ANK3: variants seen among roughly 807,000 people sequenced by gnomAD.
ANK3 encodes the protein ankyrin 3.
In ANK3, 57 loss-of-function variants were observed where a neutral mutation model predicts 370.9. That is an observed-to-expected ratio of 0.15 (90% CI 0.12 to 0.19). ANK3 has a LOEUF of 0.19. Among genes scored for constraint, ANK3 ranks in the 10% least tolerant of loss-of-function variants. ANK3 has a pLI of 1.00. For missense variants in ANK3, 4,439 were observed against 5,302.1 expected, an observed-to-expected ratio of 0.84 and a Z score of 5.06; for synonymous variants, 1,929 against 1,946.3, an observed-to-expected ratio of 0.99 and a Z score of 0.23.
rs148221569 is a variant in ANK3, at chr10:60,110,316, C to T, written c.2949-1262G>A. On this transcript the variant is annotated intron_variant, in intron 26 of 43. Transcript: ENST00000280772. ...CCCACAGGCAGAGGCAATGGGCTGG[C>T]GATCATTTTTCAGCCTATCAGATTC... is the stretch of plus-strand genomic sequence containing the variant. Among the ~76,000 whole-genome samples the T allele has an allele frequency of 1.2e-4, 19 of 152,118 alleles. No individual in the cohort carries two copies. The East Asian group carries it at 3.1e-3, about 25-fold the overall frequency.
intron 1 of ANK3, among the ~76,000 whole-genome samples, chr10:60,653,373 A>G (rs1298412226): frequency 6.6e-6 from 1 of 151,944 alleles, no homozygotes; most frequent in Non-Finnish European, 1.5e-5. Context: ...TTTCCCATAC[A>G]GATTTCCCGT....
chr10:60,676,715 G>A (rs888632988), intron 1 of ANK3, among the ~76,000 whole-genome samples: 3 of 152,132 alleles, frequency 2.0e-5, no homozygotes, highest in Non-Finnish European at 2.9e-5. Flanking sequence ...ATGAAAGGAC[G>A]GAAGCAAAGT....
chr10:60,232,601 G>A (rs931627040), intron 8 of ANK3, among the ~76,000 whole-genome samples: 3 of 151,928 alleles, frequency 2.0e-5, no homozygotes, highest in Admixed American at 6.6e-5. Context: ...TTTAGGGGTC[G>A]GCCTTCCTTT....
At chr10:60,174,380 A>G (rs572277880) in intron 18 of ANK3, among the ~76,000 whole-genome samples, 1 of 152,310 alleles carries the variant, frequency 6.6e-6, no homozygotes, top group South Asian at 2.1e-4. Flanking sequence ...TACACGATGG[A>G]AGATATTCCT....
intron 2 of ANK3, among the ~76,000 whole-genome samples, chr10:60,402,269 T>A (rs1194338561): frequency 6.6e-6 from 1 of 152,156 alleles, no homozygotes; most frequent in Non-Finnish European, 1.5e-5. Flanking sequence ...CCAAAATAAA[T>A]GATTTATAAA....
In ANK3 at chr10:60,191,932, C is replaced by T. The variant is rs187122561; in HGVS notation, c.1887+4213G>A. ...TTCTTTTTTATTATTTTTTTGAGAC[C>T]GAGTCTTGCTCTGTCACCCAGGCTG... On this transcript the variant is annotated intron_variant, in intron 16 of 43. Transcript: ENST00000280772. 4.1e-3 allele frequency among the ~76,000 whole-genome samples: 617 copies of T among 150,318 alleles called. 3 individuals carry two copies. Among genetic ancestry groups the T allele is most frequent in the African/African-American group, 0.014 (565 of 41,158 alleles).
At chr10:60,595,533 A>C (rs1051102553) in intron 2 of ANK3, among the ~76,000 whole-genome samples, 8 of 152,068 alleles carry the variant, frequency 5.3e-5, no homozygotes, top group Non-Finnish European at 1.2e-4. Context: ...CTCGAACACC[A>C]ACCTTAGGTT....
intron 2 of ANK3, among the ~76,000 whole-genome samples, chr10:60,493,934 C>T (rs993977425): frequency 1.3e-5 from 2 of 152,112 alleles, no homozygotes. Context: ...TCCCTTCCAC[C>T]TTACTACAAA....
At position 60,603,297 on chromosome 10, in the gene ANK3, T is replaced by C. The variant is rs188632808; in HGVS notation, c.96+11889A>G. On this transcript the variant is annotated intron_variant, in intron 2 of 43. Transcript: ENST00000373827. ...GCCCTAACTAGAACCTCACTTGCTC[T>C]AGGAGGGCACAAATGGTAAAGACAG... 3.9e-3 allele frequency among the ~76,000 whole-genome samples: 592 copies of C among 152,240 alleles called. 1 individual carries two copies. Among genetic ancestry groups the C allele is most frequent in the African/African-American group, 0.01 (430 of 41,546 alleles).
intron 8 of ANK3, among the ~76,000 whole-genome samples, chr10:60,222,271 T>C (rs1268310569): frequency 6.6e-6 from 1 of 152,184 alleles, no homozygotes; most frequent in Non-Finnish European, 1.5e-5. Flanking sequence ...TGCTGGGACA[T>C]TGACAGGTCA....
At chr10:60,629,319 A>G (rs1280995422) in intron 1 of ANK3, among the ~76,000 whole-genome samples, 1 of 152,208 alleles carries the variant, frequency 6.6e-6, no homozygotes, top group African/African-American at 2.4e-5. Flanking sequence ...CTAGCTTTTT[A>G]GAGCAGTTTT....
At chr10:60,492,167 C>T (rs1250030836) in intron 2 of ANK3, among the ~76,000 whole-genome samples, 1 of 152,190 alleles carries the variant, frequency 6.6e-6, no homozygotes, top group Non-Finnish European at 1.5e-5. Context: ...GCTATACCAT[C>T]TAGCTTTGTG....
At chr10:60,263,738 T>C (rs2097842682) in intron 6 of ANK3, 97 bp downstream of exon 6, 1 of 1,365,224 alleles carries the variant, frequency 7.3e-7, no homozygotes. Flanking sequence ...GTTAAAGGCA[T>C]GGCATAAGCT....
chr10:60,625,027 A>T (rs1174219153), intron 1 of ANK3, among the ~76,000 whole-genome samples: 2 of 152,068 alleles, frequency 1.3e-5, no homozygotes, highest in Admixed American at 1.3e-4. Flanking sequence ...ACCCTTTGGC[A>T]TCTTGTCTGG....
intron 2 of ANK3, among the ~76,000 whole-genome samples, chr10:60,450,192 G>A (rs1208169959): frequency 1.3e-5 from 2 of 152,138 alleles, no homozygotes; most frequent in Non-Finnish European, 2.9e-5. Context: ...TACTTGAGAG[G>A]CTGAGGCAGG....
At position 60,138,959 on chromosome 10, in the gene ANK3, A is replaced by G. The variant is rs757827587; in HGVS notation, c.2738+5T>C. ...TAACTATGAAAGACAGCAACAACGA[A>G]GTACCTGGCAGAACGCGCTCCGAGA... On this transcript the variant is annotated splice_donor_5th_base_variant and intron_variant, in intron 24 of 43. Transcript: ENST00000280772. The G allele has an allele frequency of 6.2e-7, 1 of 1,612,878 alleles. No homozygotes were observed. Among genetic ancestry groups the G allele is most frequent in the East Asian group, 2.2e-5 (1 of 44,860 alleles).
At chr10:60,325,666 T>G (rs1316048446) in intron 1 of ANK3, among the ~76,000 whole-genome samples, 2 of 152,210 alleles carry the variant, frequency 1.3e-5, no homozygotes, top group African/African-American at 4.8e-5. Context: ...TTGTGAATGC[T>G]TATACACTGT....
chr10:60,600,862 G>A (rs568387330), intron 2 of ANK3, among the ~76,000 whole-genome samples: 2 of 152,146 alleles, frequency 1.3e-5, no homozygotes, highest in African/African-American at 2.4e-5. Context: ...TCTCATCTAC[G>A]AATATAGATG....
chr10:60,582,034 C>A (rs2077761323), intron 2 of ANK3, among the ~76,000 whole-genome samples: 1 of 152,054 alleles, frequency 6.6e-6, no homozygotes, highest in South Asian at 2.1e-4. Context: ...GAAAACCAAA[C>A]ATGGCATATT....
Sources: allele counts gnomAD v4.1 joint callset (sites outside exome capture counted in the v4.1 genomes callset), GRCh38; gene constraint gnomAD v4.1.1; transcripts MANE v1.5; gene names NCBI Gene and HGNC (gene_info 2026-07-23, HGNC 2026-07-21).